PI4KA: variants seen among roughly 807,000 people sequenced by gnomAD.
PI4KA encodes PI4-kinase alpha.
PI4KA carries 122 observed loss-of-function variants against 271.4 expected under a neutral mutation model. The ratio of observed to expected loss-of-function variants is 0.45; its 90% confidence interval spans 0.39 to 0.52. PI4KA has a LOEUF of 0.52. Ranked by LOEUF, PI4KA falls within the 20% of genes least tolerant of loss-of-function variation. PI4KA has a pLI of 0.00. For synonymous variants in PI4KA, 1,041 were observed against 1,078.8 expected (o/e 0.96, Z 0.69); for missense variants, 1,969 against 2,769.1 (o/e 0.71, Z 6.48).
chr22:20,726,485 T>G lies in PI4KA; in HGVS notation c.4995+3A>C. On this transcript the variant is annotated splice_donor_region_variant and intron_variant, in intron 42 of 54. Coordinates refer to ENST00000255882, the MANE Select transcript of PI4KA (RefSeq NM_058004.4). ...GAGGACGGCCATGCAGGTGCAGGCT[T>G]ACCTTGTCGTACCTGAGGGCCTGCA... is the stretch of plus-strand genomic sequence containing the variant. 1 of 1,559,684 alleles carries G rather than the reference T, an allele frequency of 6.4e-7. No homozygotes were observed. The highest frequency in any genetic ancestry group is 8.6e-7 in the Non-Finnish European group (1 of 1,159,752).
At chr22:20,839,917 A>G (rs1211898505) in intron 1 of PI4KA, among the ~76,000 whole-genome samples, 1 of 152,190 alleles carries the variant, frequency 6.6e-6, no homozygotes, top group African/African-American at 2.4e-5. Flanking sequence ...TTGTTATTGG[A>G]TATACTATAA....
At chr22:20,832,441 T>C (rs923783217) in intron 3 of PI4KA, among the ~76,000 whole-genome samples, 4 of 151,594 alleles carry the variant, frequency 2.6e-5, no homozygotes, top group African/African-American at 9.7e-5. Flanking sequence ...GTTTTTCAGC[T>C]CCATCAGCTC....
Position 20,751,460 on chromosome 22 carries a change from CCTGT to C in PI4KA, c.3070-88_3070-85del, listed in dbSNP as rs534348659. Reference sequence around the variant, plus strand: ...CCACATGGGCCACCCCTACCCACCACCTGTCTGTCTGTGACAGGCCTCCATACTT... The same window carrying C: ...CCACATGGGCCACCCCTACCCACCACCTGTCTGTGACAGGCCTCCATACTT... On this transcript the variant is annotated intron_variant, in intron 26 of 54. Transcript: ENST00000255882. The C allele has an allele frequency of 6.8e-5, 84 of 1,226,936 alleles. No homozygotes were observed. The African/African-American group carries it at 1.1e-3, about 16-fold the overall frequency. 76.0% of individuals were successfully genotyped at this position (1,226,936 alleles called of 1,614,324 possible).
At chr22:20,838,781 A>G (rs1569090079) in intron 1 of PI4KA, 50 bp from the exon 2 acceptor site, 1 of 1,089,474 alleles carries the variant, frequency 9.2e-7, no homozygotes, top group East Asian at 2.4e-5. Context: ...AGAAAACCAC[A>G]TTCAAAATAA....
intron 3 of PI4KA, among the ~76,000 whole-genome samples, chr22:20,829,153 T>C (rs1923827024): frequency 6.6e-6 from 1 of 152,154 alleles, no homozygotes; most frequent in African/African-American, 2.4e-5. Flanking sequence ...GGTTTTGGTA[T>C]CAGCATGATG....
At chr22:20,740,327 G>A (rs1023546703) in intron 32 of PI4KA, among the ~76,000 whole-genome samples, 2 of 151,002 alleles carry the variant, frequency 1.3e-5, no homozygotes, top group Non-Finnish European at 2.9e-5. Flanking sequence ...AAAGACTACA[G>A]AGAATGTCGA....
rs376563200 is a variant in PI4KA, at chr22:20,734,390, C to T, written c.3900+5G>A. 7.0e-6 allele frequency: 11 copies of T among 1,571,030 alleles called. No homozygotes were observed. Among genetic ancestry groups the T allele is most frequent in the Admixed American group, 3.4e-5 (2 of 58,000 alleles). On this transcript the variant is annotated splice_donor_5th_base_variant and intron_variant, in intron 33 of 54. Coordinates refer to ENST00000255882, the MANE Select transcript of PI4KA (RefSeq NM_058004.4). ...CACAGCCTTCGTGGGGGAACAGGCA[C>T]GTACGTCGATCCAGATGTAGTGGGG... is the stretch of plus-strand genomic sequence containing the variant.
intron 43 of PI4KA, among the ~76,000 whole-genome samples, chr22:20,721,030 C>CT (rs1447222914): frequency 1.3e-5 from 2 of 152,218 alleles, no homozygotes; most frequent in East Asian, 3.9e-4. Flanking sequence ...CATGGAGACT[C>CT]TGCAGAAGCA....
rs768607079 is a variant in PI4KA, at chr22:20,713,320, C to A, written c.5532G>T (p.Trp1844Cys). The change falls in exon 48 of 55, where the codon TGG (tryptophan) becomes TGT (cysteine). Residue 1844 changes from tryptophan (W) to cysteine (C), a missense_variant. This residue lies in a region of PI4KA where 388 missense variants were observed against 521.5 expected (regional missense o/e 0.74). Coordinates refer to ENST00000255882, the MANE Select transcript of PI4KA (RefSeq NM_058004.4). ...CTCCCACCTTGAAGATGGCTGCCTG[C>A]CAGGAGATCTTCTGGCCGTCGGCCT... The part of the protein sequence containing the change: ...TQEADGQKIS[W>C]QAAIFKVGDD... 3.1e-6 allele frequency: 5 copies of A among 1,599,760 alleles called. No individual in the cohort carries two copies. Among genetic ancestry groups the A allele is most frequent in the East Asian group, 2.3e-5 (1 of 44,414 alleles).
intron 27 of PI4KA, among the ~76,000 whole-genome samples, 192 bp downstream of exon 27, chr22:20,751,101 G>T (rs547927749): frequency 6.6e-6 from 1 of 152,132 alleles, no homozygotes; most frequent in East Asian, 1.9e-4. Context: ...CGACCTGGGG[G>T]CAGCCAGCTC....
intron 19 of PI4KA, among the ~76,000 whole-genome samples, chr22:20,785,771 C>A (rs539298490): frequency 6.6e-6 from 1 of 152,238 alleles, no homozygotes; most frequent in African/African-American, 2.4e-5. Context: ...ACGAACCATA[C>A]AGTCTCAAGG....
rs1317219561 is a variant in PI4KA, at chr22:20,824,423, T to C, written c.368-9A>G. On this transcript the variant is annotated splice_polypyrimidine_tract_variant and intron_variant, in intron 3 of 54. Coordinates refer to ENST00000255882, the MANE Select transcript of PI4KA (RefSeq NM_058004.4). ...TGCAACCGGGAGGGCACCTGGAAGA[T>C]GTAAAAACATAAATCAGATAACCAG... 1 of 1,601,570 alleles carries C rather than the reference T, an allele frequency of 6.2e-7. No homozygotes were observed. Among genetic ancestry groups the C allele is most frequent in the Non-Finnish European group, 8.5e-7 (1 of 1,170,234 alleles).
intron 40 of PI4KA, 155 bp downstream of exon 40, chr22:20,727,619 A>G (rs926813674): frequency 2.9e-6 from 2 of 694,262 alleles, no homozygotes; most frequent in Non-Finnish European, 4.9e-6. Flanking sequence ...TGCTACAGAC[A>G]AGAAATAGAA....
chr22:20,749,088 C>T (rs999767653), intron 28 of PI4KA, among the ~76,000 whole-genome samples: 7 of 152,194 alleles, frequency 4.6e-5, no homozygotes, highest in East Asian at 1.9e-4. Flanking sequence ...CCTCTTCAGA[C>T]GACAGACAGC....
chr22:20,710,550 C>G (rs923292839), intron 52 of PI4KA, 149 bp downstream of exon 52: 2 of 694,024 alleles, frequency 2.9e-6, no homozygotes, highest in African/African-American at 3.6e-5. Context: ...GGTGGGCAGA[C>G]AGAGGTGACC....
At chr22:20,830,036 A>G (rs1029155350) in intron 3 of PI4KA, among the ~76,000 whole-genome samples, 3 of 151,842 alleles carry the variant, frequency 2.0e-5, no homozygotes, top group African/African-American at 7.3e-5. Context: ...GAATTTGCTG[A>G]GGCTTGTTTT....
intron 19 of PI4KA, among the ~76,000 whole-genome samples, chr22:20,786,363 A>G (rs165761): frequency 0.49 from 74,059 of 151,930 alleles, 18,570 homozygotes; most frequent in African/African-American, 0.59. Context: ...GGCAGGGGGG[A>G]TCCCAAGAGC....
Position 20,813,400 on chromosome 22 carries a change from C to G in PI4KA, c.963G>C (p.Glu321Asp). ...SPLFNGVTYK[E>D]FNIPLEMLRE... ...GAAGCATTTCCAATGGAATGTTAAA[C>G]TCCTTATATGTGACACCGTTGAAAA... The change falls in exon 8 of 55, where the codon GAG (glutamate) becomes GAC (aspartate). Residue 321 changes from glutamate (E) to aspartate (D), a missense_variant. Coordinates refer to ENST00000255882, the MANE Select transcript of PI4KA (RefSeq NM_058004.4). 1 of 1,613,760 alleles carries G rather than the reference C, an allele frequency of 6.2e-7. No individual in the cohort carries two copies. Among genetic ancestry groups the G allele is most frequent in the Non-Finnish European group, 8.5e-7 (1 of 1,179,684 alleles).
chr22:20,799,352 C>T lies in PI4KA; in HGVS notation c.1821-76G>A, dbSNP rs112783764. 427 of 1,290,580 alleles carry T rather than the reference C, an allele frequency of 3.3e-4. 1 individual carries two copies. The African/African-American group carries it at 5.1e-3, about 16-fold the overall frequency. 79.9% of individuals were successfully genotyped at this position (1,290,580 alleles called of 1,614,324 possible). A position where few individuals can be genotyped will look rare whatever the true frequency, so the allele number is the denominator to read the frequency against. ...GTAGTGAAACAGTACCCAGAGACTACGATCTAGACCTTAATTTCATAACAG... is the reference window on the plus strand; with the variant it reads ...GTAGTGAAACAGTACCCAGAGACTATGATCTAGACCTTAATTTCATAACAG... On this transcript the variant is annotated intron_variant, in intron 15 of 54. Transcript: ENST00000255882.
Sources: gnomAD v4.1 joint callset for allele counts (sites outside exome capture counted in the v4.1 genomes callset) on GRCh38, gnomAD v4.1.1 for gene constraint, gnomAD v4.1.1 regional missense constraint, MANE v1.5 for transcripts, NCBI Gene and HGNC (gene_info 2026-07-23, HGNC 2026-07-21) for gene names.